Variants in CNOT6 observed in about 807,000 individuals in gnomAD.
The protein encoded by CNOT6 is carbon catabolite repression 4 protein.
A neutral mutation model predicts 61.2 loss-of-function variants in CNOT6; 12 were observed. The observed-to-expected ratio is 0.20, with a 90% confidence interval of 0.13 to 0.32. The LOEUF (loss-of-function observed/expected upper bound fraction) is 0.32, where lower values mean the gene tolerates loss of function less well. CNOT6 is among the 10% of genes least tolerant of loss of function. CNOT6 has a pLI of 1.00. For synonymous variants in CNOT6, 225 were observed against 240.6 expected, an observed-to-expected ratio of 0.94 and a Z score of 0.60; for missense variants, 405 against 663.9, an observed-to-expected ratio of 0.61 and a Z score of 4.28.
At chr5:180,538,504 A>G (rs1758832755) in intron 2 of CNOT6, among the ~76,000 whole-genome samples, 1 of 151,312 alleles carries the variant, frequency 6.6e-6, no homozygotes, top group South Asian at 2.1e-4. Flanking sequence ...TGGGCAACAC[A>G]GTGAACCTCC....
chr5:180,503,601 C>CTTTTTTTTTTTTTTTTTTTTTTT (rs56187510), intron 1 of CNOT6, among the ~76,000 whole-genome samples: 1 of 66,130 alleles, frequency 1.5e-5, no homozygotes, highest in Non-Finnish European at 2.7e-5. Flanking sequence ...GCCCTACTTC[C>CTTTTTTTTTTTTTTTTTTTTTTT]TTTTTTTTTT....
At position 180,522,255 on chromosome 5, in the gene CNOT6, G is replaced by A. The variant is rs539232093; in HGVS notation, c.-2-7020G>A. 1.6e-4 allele frequency among the ~76,000 whole-genome samples: 24 copies of A among 152,186 alleles called. No individual in the cohort carries two copies. In the South Asian group the frequency reaches 3.5e-3, roughly 22 times the overall value. On this transcript the variant is annotated intron_variant, in intron 1 of 11. Transcript: ENST00000261951. ...TCCTCCCAAGTAGCTGGGACCACAGGTACATGCCACCATGCTGGCTAATTT... is the reference window on the plus strand; with the variant it reads ...TCCTCCCAAGTAGCTGGGACCACAGATACATGCCACCATGCTGGCTAATTT...
intron 1 of CNOT6, among the ~76,000 whole-genome samples, chr5:180,496,784 G>C (rs1756632548): frequency 6.6e-6 from 1 of 152,224 alleles, no homozygotes; most frequent in Non-Finnish European, 1.5e-5. Context: ...GATTTTCTCT[G>C]AAAGTCAATC....
intron 2 of CNOT6, among the ~76,000 whole-genome samples, chr5:180,538,500 A>G (rs1200985184): frequency 1.3e-5 from 2 of 151,300 alleles, no homozygotes; most frequent in Non-Finnish European, 2.9e-5. Flanking sequence ...AGCCTGGGCA[A>G]CACAGTGAAC....
rs1200833016 is a variant in CNOT6, at chr5:180,576,891, T to G, written c.*2691T>G. 6.6e-6 allele frequency: 1 copy of G among 152,240 alleles called. No homozygotes were observed. The highest frequency in any genetic ancestry group is 2.4e-5 in the African/African-American group (1 of 41,466). The allele number at this position is 152,240 out of a possible 1,614,324, so 9.4% of individuals were successfully genotyped here. A position where few individuals can be genotyped will look rare whatever the true frequency, so the allele number is the denominator to read the frequency against. Reference sequence around the variant, plus strand: ...GTGTTGCCATAATGTCATTTCAGTATTTTTGCTGGATAAATCCATTTTAGA... The same window carrying G: ...GTGTTGCCATAATGTCATTTCAGTAGTTTTGCTGGATAAATCCATTTTAGA... On this transcript the variant is annotated 3_prime_UTR_variant, in exon 12 of 12. Coordinates refer to ENST00000261951, the MANE Select transcript of CNOT6 (RefSeq NM_001370472.1).
intron 2 of CNOT6, among the ~76,000 whole-genome samples, chr5:180,534,021 G>A (rs921458306): frequency 1.3e-5 from 2 of 152,230 alleles, no homozygotes; most frequent in Non-Finnish European, 1.5e-5. Flanking sequence ...ACCCATCAGG[G>A]TTGATTGGCA....
intron 1 of CNOT6, among the ~76,000 whole-genome samples, chr5:180,507,969 C>T (rs1327903049): frequency 6.6e-6 from 1 of 152,174 alleles, no homozygotes; most frequent in Admixed American, 6.6e-5. Context: ...ATCCAGTCAC[C>T]TCCCACTAGG....
At chr5:180,511,095 G>A (rs996453852) in intron 1 of CNOT6, among the ~76,000 whole-genome samples, 2 of 151,760 alleles carry the variant, frequency 1.3e-5, no homozygotes, top group Non-Finnish European at 2.9e-5. Flanking sequence ...GTGAGCCACC[G>A]TGTCCAGACA....
At chr5:180,554,211 AG>A (rs1181518645) in intron 4 of CNOT6, among the ~76,000 whole-genome samples, 1 of 152,188 alleles carries the variant, frequency 6.6e-6, no homozygotes, top group Non-Finnish European at 1.5e-5. Context: ...TGAGGCCAAG[AG>A]TTCAAGACCA....
At chr5:180,507,628 G>A (rs549108965) in intron 1 of CNOT6, among the ~76,000 whole-genome samples, 1 of 152,188 alleles carries the variant, frequency 6.6e-6, no homozygotes, top group African/African-American at 2.4e-5. Flanking sequence ...TACAGTTTTA[G>A]GAACATGATG....
intron 4 of CNOT6, among the ~76,000 whole-genome samples, chr5:180,557,571 A>G (rs921194731): frequency 2.0e-5 from 3 of 152,014 alleles, no homozygotes; most frequent in African/African-American, 7.2e-5. Context: ...TAATTAGATT[A>G]TTTGCTTTTT....
At chr5:180,568,701 C>T (rs535171732) in intron 9 of CNOT6, among the ~76,000 whole-genome samples, 130 of 152,182 alleles carry the variant, frequency 8.5e-4, no homozygotes, top group Middle Eastern at 3.4e-3. Flanking sequence ...ACTTGAGGAA[C>T]AGTTGGAACT....
At chr5:180,562,747 A>G (rs1341558852) in intron 4 of CNOT6, among the ~76,000 whole-genome samples, 2 of 152,176 alleles carry the variant, frequency 1.3e-5, no homozygotes, top group Non-Finnish European at 2.9e-5. Flanking sequence ...CTCAAAAAAA[A>G]AATAAGAAAA....
At chr5:180,517,816 A>G (rs1757711578) in intron 1 of CNOT6, among the ~76,000 whole-genome samples, 1 of 152,220 alleles carries the variant, frequency 6.6e-6, no homozygotes. Context: ...TGCTGGGATT[A>G]CAGGCGTGAG....
In CNOT6 at chr5:180,565,871, G is replaced by A. The variant is rs951549873; in HGVS notation, c.611G>A (p.Arg204Gln). ...YNVLCDKYAT[R>Q]QLYGYCPSWA... ...GTTCTTTGTGATAAATATGCGACCC[G>A]GCAGTTATACGGCTACTGTCCATCA... is the stretch of plus-strand genomic sequence containing the variant. The change falls in exon 7 of 12, where the codon CGG becomes CAG. Residue 204 changes from arginine (R) to glutamine (Q), a missense_variant. By Grantham distance (43) the Arg-to-Gln change is conservative. Around this residue, in one of 5 missense-constraint regions of CNOT6, gnomAD observed 212 missense variants for 307.1 expected, o/e 0.69. Transcript: ENST00000261951. 8 of 1,613,298 alleles carry A rather than the reference G, an allele frequency of 5.0e-6. No homozygotes were observed. The highest frequency in any genetic ancestry group is 6.8e-6 in the Non-Finnish European group (8 of 1,179,442).
At chr5:180,550,887 A>G (rs553227309) in intron 3 of CNOT6, among the ~76,000 whole-genome samples, 4 of 152,176 alleles carry the variant, frequency 2.6e-5, no homozygotes, top group Non-Finnish European at 5.9e-5. Flanking sequence ...CATGAAATAT[A>G]TAGCATTTGG....
intron 1 of CNOT6, among the ~76,000 whole-genome samples, chr5:180,508,573 G>T (rs1328888345): frequency 2.0e-5 from 3 of 151,988 alleles, no homozygotes; most frequent in Non-Finnish European, 4.4e-5. Flanking sequence ...GCCTCCCAAA[G>T]TGCTGGGATT....
At chr5:180,515,436 G>A (rs1757589965) in intron 1 of CNOT6, among the ~76,000 whole-genome samples, 2 of 130,492 alleles carry the variant, frequency 1.5e-5, no homozygotes, top group Non-Finnish European at 3.6e-5. Flanking sequence ...TCAAAGGGCT[G>A]GAGATAAGTG....
At chr5:180,505,827 C>T (rs865988025) in intron 1 of CNOT6, among the ~76,000 whole-genome samples, 11 of 152,284 alleles carry the variant, frequency 7.2e-5, no homozygotes, top group African/African-American at 2.2e-4. Context: ...GGATTACAGG[C>T]TTGAGCCACT....
Sources: allele counts gnomAD v4.1 joint callset (sites outside exome capture counted in the v4.1 genomes callset), GRCh38; gene constraint gnomAD v4.1.1; regional missense constraint gnomAD v4.1.1; transcripts MANE v1.5; gene names NCBI Gene and HGNC (gene_info 2026-07-23, HGNC 2026-07-21).